The following USP32 variants were observed in gnomAD, a reference collection of about 807,000 sequenced individuals.
USP32 encodes the protein ubiquitin specific peptidase 32.
In USP32, 59 loss-of-function variants were observed where a neutral mutation model predicts 204.8. The ratio of observed to expected loss-of-function variants is 0.29; its 90% CI spans 0.23 to 0.36. The LOEUF is 0.36. Ranked by LOEUF, USP32 falls within the 10% of genes least tolerant of loss-of-function variation. The pLI is 1.00. For synonymous variants in USP32, 517 were observed against 678.4 expected, an observed-to-expected ratio of 0.76 and a Z score of 3.70; for missense variants, 1,160 against 1,946.4, an observed-to-expected ratio of 0.60 and a Z score of 7.60.
intron 3 of USP32, among the ~76,000 whole-genome samples, chr17:60,298,105 C>T (rs920983238): frequency 1.3e-5 from 2 of 148,598 alleles, no homozygotes; most frequent in African/African-American, 5.2e-5. Context: ...CCAAAGTAAA[C>T]ATCGGGCCTA....
At position 60,219,780 on chromosome 17, in the gene USP32, T is replaced by C; in HGVS notation, c.1757A>G (p.Lys586Arg). Residue 586 changes from lysine (K) to arginine (R), a missense_variant, in exon 16 of 34, where the codon AAG (lysine) becomes AGG (arginine). Physicochemically the swap from Lys to Arg is conservative, Grantham distance 26. Around this residue, in one of 8 missense-constraint regions of USP32, gnomAD observed 37 missense variants for 62.6 expected, o/e 0.59. Transcript: ENST00000300896. ...CTCTGGGATGTCTGTCTTGCTGTTC[T>C]TGATAACCTATTGTTTTAAAAGATA... ...ANLALPRPVIKNSKTDIPELE... is the reference protein window; with the variant it reads ...ANLALPRPVIRNSKTDIPELE... 6.2e-7 allele frequency: 1 copy of C among 1,611,220 alleles called. No homozygotes were observed. The highest frequency in any genetic ancestry group is 1.1e-5 in the South Asian group (1 of 90,558).
At chr17:60,301,556 C>G in intron 3 of USP32, 43 bp downstream of exon 3, 1 of 1,237,180 alleles carries the variant, frequency 8.1e-7, no homozygotes. Context: ...ATAAATTATT[C>G]TGTACATAGA....
In USP32 at chr17:60,226,189, C is replaced by G; in HGVS notation, c.1282G>C (p.Gly428Arg). ...VVIEPSSVLNGGKYSFGTAAH... is the reference protein window; with the variant it reads ...VVIEPSSVLNRGKYSFGTAAH... ...GCAGTTCCAAATGAGTATTTTCCTCCATTCAAAACAGATGATGGCTCAATT... is the reference window on the plus strand; with the variant it reads ...GCAGTTCCAAATGAGTATTTTCCTCGATTCAAAACAGATGATGGCTCAATT... The change falls in exon 13 of 34, where the codon GGA becomes CGA. Residue 428 changes from glycine to arginine, a missense_variant. This residue lies in a region of USP32 where 536 missense variants were observed against 680.9 expected (regional missense o/e 0.79). Coordinates refer to ENST00000300896, the MANE Select transcript of USP32 (RefSeq NM_032582.4). The G allele has an allele frequency of 6.4e-7, 1 of 1,573,990 alleles. No homozygotes were observed. Among genetic ancestry groups the G allele is most frequent in the Non-Finnish European group, 8.6e-7 (1 of 1,166,286 alleles).
At chr17:60,210,791 G>A (rs1236798062) in intron 21 of USP32, among the ~76,000 whole-genome samples, 351 of 151,008 alleles carry the variant, frequency 2.3e-3, no homozygotes, top group Non-Finnish European at 3.5e-3. Context: ...ATGACATCCC[G>A]AATTTAGAGT....
chr17:60,390,945 T>C (rs1272527741), intron 1 of USP32, among the ~76,000 whole-genome samples: 1 of 152,190 alleles, frequency 6.6e-6, no homozygotes, highest in Non-Finnish European at 1.5e-5. Context: ...ATTCCGGCCA[T>C]AAACTGTGCA....
At chr17:60,219,227 T>C (rs1358656898) in intron 16 of USP32, among the ~76,000 whole-genome samples, 1 of 152,120 alleles carries the variant, frequency 6.6e-6, no homozygotes, top group Non-Finnish European at 1.5e-5. Context: ...AAAAAGATGA[T>C]AGTATAAGAG....
chr17:60,303,602 A>C (rs1267773002), intron 2 of USP32, among the ~76,000 whole-genome samples: 2 of 152,036 alleles, frequency 1.3e-5, no homozygotes, highest in African/African-American at 2.4e-5. Context: ...TAGCAACAAG[A>C]CCAAAATTAA....
intron 1 of USP32, among the ~76,000 whole-genome samples, chr17:60,354,771 G>A (rs1181169788): frequency 6.6e-6 from 1 of 152,134 alleles, no homozygotes. Flanking sequence ...ATAAGGCCAG[G>A]TGTGTGGCTC....
intron 1 of USP32, among the ~76,000 whole-genome samples, chr17:60,347,092 T>C (rs370589910): frequency 6.6e-6 from 1 of 152,228 alleles, no homozygotes; most frequent in East Asian, 1.9e-4. Flanking sequence ...AGCAATAGCC[T>C]GCTACTACAA....
chr17:60,230,234 A>G (rs1182233811), intron 12 of USP32, among the ~76,000 whole-genome samples: 1 of 152,212 alleles, frequency 6.6e-6, no homozygotes, highest in Non-Finnish European at 1.5e-5. Flanking sequence ...TCAAGGAGTA[A>G]TATTTGGAAT....
chr17:60,232,256 T>C (rs73322995), intron 12 of USP32, among the ~76,000 whole-genome samples: 5,075 of 139,984 alleles, frequency 0.036, 299 homozygotes, highest in African/African-American at 0.13. Flanking sequence ...CACTGCAACC[T>C]CTGCTTCTTG....
chr17:60,357,485 T>C (rs2089107296), intron 1 of USP32, among the ~76,000 whole-genome samples: 3 of 151,722 alleles, frequency 2.0e-5, no homozygotes, highest in Admixed American at 6.6e-5. Context: ...ATATGATATG[T>C]AGACCAAGCA....
intron 11 of USP32, among the ~76,000 whole-genome samples, chr17:60,238,648 CA>C (rs1448380261): frequency 6.6e-6 from 1 of 151,738 alleles, no homozygotes; most frequent in African/African-American, 2.4e-5. Context: ...ACTAAAAATA[CA>C]AAAAAATTAG....
chr17:60,421,628 G>C, intron 1 of USP32: 1 of 974,378 alleles, frequency 1.0e-6, no homozygotes, highest in Non-Finnish European at 1.2e-6. Context: ...GGACCCCGCC[G>C]TGTGCCGCCC....
At position 60,212,050 on chromosome 17, in the gene USP32, T is replaced by C; in HGVS notation, c.2153A>G (p.Asn718Ser). The change falls in exon 19 of 34, where the codon AAT (asparagine) becomes AGT (serine). Residue 718 changes from asparagine (N) to serine (S), a missense_variant. Asn to Ser is a conservative substitution (Grantham distance 46). This residue lies in a region of USP32 where 132 missense variants were observed against 432.8 expected (regional missense o/e 0.30). Transcript: ENST00000300896. ...CTTGTGTCTATCTATTTTACTACTA[T>C]TTGCTATAAAAGACATCTCCTCAGG... ...SWPEEMSFIA[N>S]SSKIDRHKVP... 1 of 1,605,796 alleles carries C rather than the reference T, an allele frequency of 6.2e-7. No individual in the cohort carries two copies.
intron 9 of USP32, among the ~76,000 whole-genome samples, chr17:60,255,677 C>T (rs1005904643): frequency 5.3e-5 from 8 of 152,162 alleles, no homozygotes; most frequent in South Asian, 2.1e-4. Flanking sequence ...AGTTCAAGTT[C>T]GTTCCTGTAT....
At chr17:60,358,814 C>G (rs74605741) in intron 1 of USP32, among the ~76,000 whole-genome samples, 2,078 of 152,276 alleles carry the variant, frequency 0.014, 21 homozygotes, top group Non-Finnish European at 0.02. Flanking sequence ...TGGGGCACCA[C>G]TGACAACTAA....
rs116143833 is a variant in USP32, at chr17:60,305,443, T to A, written c.187-3739A>T. On this transcript the variant is annotated intron_variant, in intron 2 of 33. Transcript: ENST00000300896. ...AGGCACTCGTGGGGATCTGCCCCCA[T>A]GATCCAAACACCTCCCACGAGGCCC... Among the ~76,000 whole-genome samples the A allele has an allele frequency of 9.5e-3, 1,441 of 152,286 alleles. 32 individuals carry two copies. The highest frequency in any genetic ancestry group is 0.033 in the African/African-American group (1,385 of 41,568).
chr17:60,383,743 CAAG>C (rs925008278), intron 1 of USP32, among the ~76,000 whole-genome samples: 7 of 152,196 alleles, frequency 4.6e-5, no homozygotes, highest in African/African-American at 1.7e-4. Context: ...GTTCCAAGAA[CAAG>C]AAGATGGCTA....
Sources: allele counts gnomAD v4.1 joint callset (sites outside exome capture counted in the v4.1 genomes callset), GRCh38; gene constraint gnomAD v4.1.1; regional missense constraint gnomAD v4.1.1; transcripts MANE v1.5; gene names NCBI Gene and HGNC (gene_info 2026-07-23, HGNC 2026-07-21).